PDE1C: variants seen among roughly 807,000 people sequenced by gnomAD.
The protein encoded by PDE1C is dual specificity calcium/calmodulin-dependent 3',5'-cyclic nucleotide phosphodiesterase 1C.
A neutral mutation model predicts 93.1 loss-of-function variants in PDE1C; 62 were observed. That is an observed-to-expected ratio of 0.67 (90% CI 0.54 to 0.82). The LOEUF is 0.82. Among genes scored for constraint, PDE1C ranks in the 40% least tolerant of loss-of-function variants. PDE1C has a pLI of 0.00. For missense variants in PDE1C, 742 were observed against 884.6 expected (o/e 0.84, Z 2.04); for synonymous variants, 325 against 310.1 (o/e 1.05, Z -0.50).
chr7:32,280,421 C>CA (rs1399259554), intron 1 of PDE1C, among the ~76,000 whole-genome samples: 2 of 151,714 alleles, frequency 1.3e-5, no homozygotes, highest in South Asian at 2.1e-4. Flanking sequence ...GTCAAACAGC[C>CA]AAAAAATAGA....
chr7:32,183,349 C>T (rs1015240512), intron 2 of PDE1C, among the ~76,000 whole-genome samples: 1 of 152,106 alleles, frequency 6.6e-6, no homozygotes, highest in African/African-American at 2.4e-5. Flanking sequence ...CCAAGTCAAT[C>T]CTAAGCCAAA....
intron 1 of PDE1C, among the ~76,000 whole-genome samples, chr7:32,271,124 C>T (rs911579674): frequency 6.6e-6 from 1 of 152,070 alleles, no homozygotes; most frequent in Non-Finnish European, 1.5e-5. Flanking sequence ...GGTGACAGAG[C>T]GAGACTCTAT....
chr7:32,070,684 G>T (rs1420379599), upstream of PDE1C: 5 of 1,281,444 alleles, frequency 3.9e-6, no homozygotes, highest in Admixed American at 1.5e-4. Flanking sequence ...ATTGGGATTG[G>T]ACTCCAGCTC....
chr7:31,888,269 A>G lies in PDE1C; in HGVS notation c.129-7409T>C, dbSNP rs555789236. ...AGTCTCAAAAAAAAAAAAAAAAAAA[A>G]AAAAGAAAAGGAGAAGTCTAAAAAT... On this transcript the variant is annotated intron_variant, in intron 2 of 17. Transcript: ENST00000396191. 5.9e-4 allele frequency among the ~76,000 whole-genome samples: 88 copies of G among 150,068 alleles called. No individual in the cohort carries two copies. The South Asian group carries it at 0.016, about 28-fold the overall frequency.
At chr7:32,092,382 C>A (rs928981991) in intron 3 of PDE1C, among the ~76,000 whole-genome samples, 2 of 152,178 alleles carry the variant, frequency 1.3e-5, no homozygotes, top group African/African-American at 4.8e-5. Context: ...GGTCACTAAA[C>A]CCTGGGGCCT....
chr7:31,947,112 G>A (rs1302993097), intron 2 of PDE1C, among the ~76,000 whole-genome samples: 1 of 152,114 alleles, frequency 6.6e-6, no homozygotes, highest in African/African-American at 2.4e-5. Flanking sequence ...CATGGCCTGT[G>A]TCTTTCAGCA....
At chr7:32,355,423 T>C (rs1001668832) in intron 1 of PDE1C, among the ~76,000 whole-genome samples, 2 of 152,214 alleles carry the variant, frequency 1.3e-5, no homozygotes, top group African/African-American at 4.8e-5. Context: ...GAGAGGGTTT[T>C]GACTGAAACC....
chr7:31,997,232 G>A (rs1478290014), intron 2 of PDE1C, among the ~76,000 whole-genome samples: 2 of 152,280 alleles, frequency 1.3e-5, no homozygotes, highest in East Asian at 3.9e-4. Flanking sequence ...AGCACCTCAA[G>A]CTTTTAATTT....
At chr7:32,339,349 G>A (rs1193208115) in intron 1 of PDE1C, among the ~76,000 whole-genome samples, 1 of 152,176 alleles carries the variant, frequency 6.6e-6, no homozygotes, top group Non-Finnish European at 1.5e-5. Flanking sequence ...ACCAGGGACA[G>A]GGAGACAGAG....
In PDE1C at chr7:31,854,960, A is replaced by G. The variant is rs558536757; in HGVS notation, c.751-4219T>C. 1.0e-2 allele frequency among the ~76,000 whole-genome samples: 1,497 copies of G among 150,118 alleles called. 14 individuals are homozygous for G. The highest frequency in any genetic ancestry group is 0.017 in the Non-Finnish European group (1,179 of 67,384). ...CGGGTGCCTGTAATCTCAGCTACTC[A>G]GGAGGCTGAGGCAGGAGAATCACTT... is the stretch of plus-strand genomic sequence containing the variant. On this transcript the variant is annotated intron_variant, in intron 7 of 17. Coordinates refer to ENST00000396191, the MANE Select transcript of PDE1C (RefSeq NM_001191057.4).
chr7:31,677,122 A>G, the PDE1C span, among the ~76,000 whole-genome samples: 1 of 152,250 alleles, frequency 6.6e-6, no homozygotes, highest in Non-Finnish European at 1.5e-5. Flanking sequence ...ATGGAAGTCT[A>G]AACAGGCCAA....
chr7:31,673,918 G>A, the PDE1C span, among the ~76,000 whole-genome samples: 1 of 152,266 alleles, frequency 6.6e-6, no homozygotes, highest in East Asian at 1.9e-4. Context: ...GGGAAGGGCA[G>A]GTAGTAAACA....
the PDE1C span, among the ~76,000 whole-genome samples, chr7:31,678,018 C>G: frequency 6.6e-6 from 1 of 151,958 alleles, no homozygotes; most frequent in Non-Finnish European, 1.5e-5. Context: ...CAATAAAAGG[C>G]CCCACCTATA....
At chr7:31,987,136 A>G (rs1360268535) in intron 2 of PDE1C, among the ~76,000 whole-genome samples, 1 of 152,128 alleles carries the variant, frequency 6.6e-6, no homozygotes, top group Non-Finnish European at 1.5e-5. Context: ...CCTACTAGAT[A>G]TTTCCTTTAT....
Position 32,266,013 on chromosome 7 carries a change from G to A in PDE1C, c.85+32638C>T, listed in dbSNP as rs570708918. On this transcript the variant is annotated intron_variant, in intron 1 of 18. Coordinates refer to the PDE1C transcript ENST00000396193. Reference sequence around the variant, plus strand: ...AAGGTGGCCGGGCGCGGTGGCTCACGCCTGTAATCCCAGCACTTTGAGAGG... The same window carrying A: ...AAGGTGGCCGGGCGCGGTGGCTCACACCTGTAATCCCAGCACTTTGAGAGG... Among the ~76,000 whole-genome samples, 316 of 119,482 alleles carry A rather than the reference G, an allele frequency of 2.6e-3. 6 individuals are homozygous for A. Among genetic ancestry groups the A allele is most frequent in the Non-Finnish European group, 4.4e-3 (242 of 54,838 alleles). The allele number at this position is 119,482 out of a possible 152,430, so 78.4% of individuals were successfully genotyped here. A position where few individuals can be genotyped will look rare whatever the true frequency, so the allele number is the denominator to read the frequency against.
At chr7:32,209,250 T>A (rs2128841387) in intron 2 of PDE1C, among the ~76,000 whole-genome samples, 1 of 152,238 alleles carries the variant, frequency 6.6e-6, no homozygotes, top group East Asian at 1.9e-4. Context: ...AGGACCATAC[T>A]TGGAATAGCA....
intron 1 of PDE1C, among the ~76,000 whole-genome samples, chr7:32,417,380 AAT>A (rs1785296827): frequency 6.6e-6 from 1 of 152,126 alleles, no homozygotes; most frequent in African/African-American, 2.4e-5. Flanking sequence ...CATGTCTAAT[AAT>A]AAAAACACCT....
At chr7:31,643,766 A>T in the PDE1C span, 2 of 1,614,018 alleles carry the variant, frequency 1.2e-6, no homozygotes, top group East Asian at 2.2e-5. Context: ...GGCACCTGCC[A>T]TGCTATACCT....
At chr7:32,154,695 A>G (rs1295536259) in intron 3 of PDE1C, among the ~76,000 whole-genome samples, 1 of 152,240 alleles carries the variant, frequency 6.6e-6, no homozygotes, top group African/African-American at 2.4e-5. Flanking sequence ...GTCTGACTCC[A>G]AGCTCTAGTG....
Sources: gnomAD v4.1 joint callset for allele counts (sites outside exome capture counted in the v4.1 genomes callset) on GRCh38, gnomAD v4.1.1 for gene constraint, MANE v1.5 for transcripts, NCBI Gene and HGNC (gene_info 2026-07-23, HGNC 2026-07-21) for gene names.